SEMA6D: variants seen among roughly 807,000 people sequenced by gnomAD.
The protein encoded by SEMA6D is semaphorin-6D.
A neutral mutation model predicts 106.6 loss-of-function variants in SEMA6D; 35 were observed. The observed-to-expected ratio is 0.33, with a 90% confidence interval of 0.25 to 0.44. The LOEUF is 0.44. Among genes scored for constraint, SEMA6D ranks in the 20% least tolerant of loss-of-function variants. The pLI is 1.00. For missense variants in SEMA6D, 1,185 were observed against 1,345.9 expected (o/e 0.88, Z 1.87); for synonymous variants, 499 against 487.7 (o/e 1.02, Z -0.31).
At chr15:47,630,317 A>G (rs540922507) in intron 4 of SEMA6D, among the ~76,000 whole-genome samples, 1 of 151,762 alleles carries the variant, frequency 6.6e-6, no homozygotes, top group Non-Finnish European at 1.5e-5. Flanking sequence ...AATTTTTGGC[A>G]TACATATTCT....
At chr15:47,400,488 C>A (rs200139107) in intron 1 of SEMA6D, among the ~76,000 whole-genome samples, 159 of 119,080 alleles carry the variant, frequency 1.3e-3, no homozygotes, top group Middle Eastern at 4.8e-3. Flanking sequence ...GACTCTGTCT[C>A]AAAAAAAAAA....
intron 3 of SEMA6D, among the ~76,000 whole-genome samples, chr15:47,599,702 C>T (rs2076606631): frequency 6.6e-6 from 1 of 151,762 alleles, no homozygotes. Context: ...TTTTGAAATT[C>T]TCTGTATTCT....
chr15:47,477,101 G>A (rs1307157965), intron 3 of SEMA6D, among the ~76,000 whole-genome samples: 4 of 152,188 alleles, frequency 2.6e-5, no homozygotes, highest in Non-Finnish European at 5.9e-5. Context: ...TTCACAAACT[G>A]GATATTTTTT....
intron 4 of SEMA6D, among the ~76,000 whole-genome samples, chr15:47,704,106 TA>T (rs1221255035): frequency 6.6e-6 from 1 of 152,214 alleles, no homozygotes; most frequent in Non-Finnish European, 1.5e-5. Context: ...TAAGCTCTTC[TA>T]TGGCTTATTT....
At chr15:47,664,412 ATCT>A (rs936267671) in intron 4 of SEMA6D, among the ~76,000 whole-genome samples, 1 of 152,284 alleles carries the variant, frequency 6.6e-6, no homozygotes, top group African/African-American at 2.4e-5. Flanking sequence ...CACTTAAGAA[ATCT>A]TCTTAACTTA....
intron 1 of SEMA6D, among the ~76,000 whole-genome samples, chr15:47,334,618 G>A (rs1048632781): frequency 2.6e-5 from 4 of 152,174 alleles, no homozygotes; most frequent in African/African-American, 7.2e-5. Flanking sequence ...GAGAAACATG[G>A]TTTGAGTTTT....
chr15:47,420,019 G>A (rs551052793), intron 2 of SEMA6D, among the ~76,000 whole-genome samples: 12 of 152,180 alleles, frequency 7.9e-5, no homozygotes, highest in South Asian at 2.1e-4. Context: ...GGGGTGAGAC[G>A]GACCTTTCCA....
rs376452171 is a variant in SEMA6D at position 47,265,729 on chromosome 15, A to G, written c.-239+81311A>G. 1.4e-4 allele frequency among the ~76,000 whole-genome samples: 22 copies of G among 152,106 alleles called. No homozygotes were observed. The South Asian group carries it at 4.1e-3, about 29-fold the overall frequency. ...CTAGACATTTTAGATAATAAATTAT[A>G]GCCATTTGGGGTACCGATTTCCCCC... On this transcript the variant is annotated intron_variant, in intron 1 of 19. Coordinates refer to the SEMA6D transcript ENST00000558014.
chr15:47,750,876 T>C (rs1233068), intron 1 of SEMA6D, among the ~76,000 whole-genome samples: 2 of 152,120 alleles, frequency 1.3e-5, no homozygotes, highest in Non-Finnish European at 2.9e-5. Flanking sequence ...TGCATGCATG[T>C]GGTGGAGGGT....
chr15:47,764,542 G>C, intron 11 of SEMA6D, 96 bp from the exon 12 acceptor site: 2 of 1,526,654 alleles, frequency 1.3e-6, no homozygotes, highest in Non-Finnish European at 1.8e-6. Flanking sequence ...TTCCTCACTT[G>C]ACCTCTTCTC....
chr15:47,471,359 T>C (rs2042831461), intron 3 of SEMA6D, among the ~76,000 whole-genome samples: 1 of 152,212 alleles, frequency 6.6e-6, no homozygotes, highest in Non-Finnish European at 1.5e-5. Context: ...AACTCCCACT[T>C]TCCCCCCCAG....
At chr15:47,734,978 T>C (rs1215426182) in intron 1 of SEMA6D, among the ~76,000 whole-genome samples, 1 of 152,192 alleles carries the variant, frequency 6.6e-6, no homozygotes, top group Non-Finnish European at 1.5e-5. Context: ...CATTTGGATC[T>C]GTCCTTTTGT....
At chr15:47,389,421 C>A (rs1297066529) in intron 1 of SEMA6D, among the ~76,000 whole-genome samples, 3 of 150,102 alleles carry the variant, frequency 2.0e-5, no homozygotes, top group Non-Finnish European at 3.0e-5. Flanking sequence ...GAGAAATGAA[C>A]TCTGGAGAAA....
intron 3 of SEMA6D, among the ~76,000 whole-genome samples, chr15:47,499,058 C>T (rs941169683): frequency 7.2e-5 from 11 of 152,108 alleles, no homozygotes; most frequent in African/African-American, 2.7e-4. Flanking sequence ...TTGCTGTGCA[C>T]CTTGCTGATC....
At chr15:47,767,395 A>G (rs553763501) in intron 17 of SEMA6D, 16 of 246,214 alleles carry the variant, frequency 6.5e-5, no homozygotes, top group Non-Finnish European at 1.0e-4. Context: ...ACCTCTTTGC[A>G]TTGTGAATGT....
intron 3 of SEMA6D, among the ~76,000 whole-genome samples, chr15:47,513,752 G>A (rs2044302587): frequency 6.6e-6 from 1 of 152,202 alleles, no homozygotes; most frequent in Non-Finnish European, 1.5e-5. Flanking sequence ...GCGAAGCTCA[G>A]CAGTTCAGGA....
At position 47,578,830 on chromosome 15, in the gene SEMA6D, A is replaced by G. The variant is rs112862259; in HGVS notation, c.-86-22035A>G. On this transcript the variant is annotated intron_variant, in intron 3 of 19. Coordinates refer to the SEMA6D transcript ENST00000558014. ...GTGTAATAGAAAACAACATATAATA[A>G]CACTTTTATGTCTTTACAACAGTTG... Among the ~76,000 whole-genome samples the G allele has an allele frequency of 7.5e-3, 1,149 of 152,318 alleles. 7 individuals are homozygous for G. The highest frequency in any genetic ancestry group is 0.013 in the Non-Finnish European group (891 of 68,022).
chr15:47,221,302 C>T (rs891217006), intron 1 of SEMA6D, among the ~76,000 whole-genome samples: 1 of 152,244 alleles, frequency 6.6e-6, no homozygotes, highest in Non-Finnish European at 1.5e-5. Flanking sequence ...CCCATGGCTC[C>T]AGCTCCCCCT....
Position 47,766,088 on chromosome 15 carries a change from T to C in SEMA6D, c.1569-17T>C. ...TGATGAGAAAATCCAAGTTACATTC[T>C]GTTTGGTTTTACACAGGTCTTGTAT... On this transcript the variant is annotated splice_polypyrimidine_tract_variant and intron_variant, in intron 14 of 18. Transcript: ENST00000536845. 6.2e-7 allele frequency: 1 copy of C among 1,613,476 alleles called. No homozygotes were observed.
Sources: gnomAD v4.1 joint callset for allele counts (sites outside exome capture counted in the v4.1 genomes callset) on GRCh38, gnomAD v4.1.1 for gene constraint, MANE v1.5 for transcripts, NCBI Gene and HGNC (gene_info 2026-07-23, HGNC 2026-07-21) for gene names.